MYO1F: variants seen among roughly 807,000 people sequenced by gnomAD.
MYO1F encodes the protein myosin IF.
MYO1F carries 60 observed loss-of-function variants against 146.6 expected under a neutral mutation model. That is an observed-to-expected ratio of 0.41 (90% CI 0.33 to 0.51). The LOEUF is 0.51. MYO1F is among the 20% of genes least tolerant of loss of function. MYO1F has a pLI of 0.25. For missense variants in MYO1F, 1,274 were observed against 1,534.3 expected, an observed-to-expected ratio of 0.83 and a Z score of 2.83; for synonymous variants, 602 against 602.1, an observed-to-expected ratio of 1.00 and a Z score of 0.00.
At chr19:8,576,933 C>A in intron 1 of MYO1F, 1 of 411,606 alleles carries the variant, frequency 2.4e-6, no homozygotes, top group Non-Finnish European at 4.5e-6. Flanking sequence ...AGTGACTAGC[C>A]CAAGGCTACA....
In MYO1F at chr19:8,555,639, C is replaced by G. The variant is rs762111655; in HGVS notation, c.141+20G>C. 3.7e-6 allele frequency: 6 copies of G among 1,614,042 alleles called. No individual in the cohort carries two copies. In the Admixed American group the frequency reaches 1.0e-4, roughly 27 times the overall value. ...TCATTCCTTCCCTGCCTGCCCACCCCCAGCCTTGGCCCAGGGTACGAAGAT... is the reference window on the plus strand; with the variant it reads ...TCATTCCTTCCCTGCCTGCCCACCCGCAGCCTTGGCCCAGGGTACGAAGAT... On this transcript the variant is annotated intron_variant, in intron 2 of 27. Transcript: ENST00000644032.
At chr19:8,562,228 C>T (rs1974172920) in intron 1 of MYO1F, among the ~76,000 whole-genome samples, 1 of 151,392 alleles carries the variant, frequency 6.6e-6, no homozygotes, top group African/African-American at 2.4e-5. Context: ...GTCTTGATCT[C>T]CTGACCTCGT....
chr19:8,575,442 G>T (rs1460499651), intron 1 of MYO1F, among the ~76,000 whole-genome samples: 2 of 151,900 alleles, frequency 1.3e-5, no homozygotes, highest in Non-Finnish European at 2.9e-5. Context: ...AACAGGGTTT[G>T]CGATCCTGTG....
At chr19:8,545,052 A>G (rs916644107) in intron 13 of MYO1F, among the ~76,000 whole-genome samples, 11 of 152,084 alleles carry the variant, frequency 7.2e-5, no homozygotes, top group Non-Finnish European at 1.6e-4. Flanking sequence ...TGCTGGGATT[A>G]CAGGCATGAG....
chr19:8,561,242 T>G (rs1354852088), intron 1 of MYO1F, among the ~76,000 whole-genome samples: 1 of 151,980 alleles, frequency 6.6e-6, no homozygotes, highest in Non-Finnish European at 1.5e-5. Context: ...GTTAACTGTC[T>G]GGGGAAAGGT....
chr19:8,553,709 C>T (rs1973709948), intron 4 of MYO1F, among the ~76,000 whole-genome samples: 1 of 151,860 alleles, frequency 6.6e-6, no homozygotes, highest in South Asian at 2.1e-4. Flanking sequence ...CCAGTCTCTA[C>T]TAAAATACAA....
At chr19:8,571,103 T>A (rs1393206980) in intron 1 of MYO1F, among the ~76,000 whole-genome samples, 1 of 152,214 alleles carries the variant, frequency 6.6e-6, no homozygotes, top group African/African-American at 2.4e-5. Flanking sequence ...GTCTGCTTTT[T>A]CTGGGCGTGA....
At chr19:8,536,657 GTGGGAGGTGCTGGAGGT>G in intron 17 of MYO1F, 60 bp from the exon 18 acceptor site, 1 of 755,560 alleles carries the variant, frequency 1.3e-6, no homozygotes, top group Admixed American at 2.5e-5. Flanking sequence ...CTGGGGGTGG[GTGGGAGGTGCTGGAGGT>G]GGGGGACCTG....
At chr19:8,565,538 G>GT (rs1157824607) in intron 1 of MYO1F, among the ~76,000 whole-genome samples, 1 of 151,636 alleles carries the variant, frequency 6.6e-6, no homozygotes, top group Non-Finnish European at 1.5e-5. Flanking sequence ...GCGAAACTCT[G>GT]TCTCGAAATA....
intron 1 of MYO1F, among the ~76,000 whole-genome samples, chr19:8,574,595 C>CTCTT (rs58145523): frequency 6.8e-4 from 72 of 105,882 alleles, no homozygotes; most frequent in East Asian, 9.8e-4. Flanking sequence ...CTCTCTCTCT[C>CTCTT]TCTTTCTTTC....
At chr19:8,534,340 C>T (rs958360634) in intron 19 of MYO1F, among the ~76,000 whole-genome samples, 1 of 152,014 alleles carries the variant, frequency 6.6e-6, no homozygotes, top group South Asian at 2.1e-4. Context: ...CAGAGTCTCA[C>T]TTTGTCCCCC....
At chr19:8,556,887 CAAAAAAA>C (rs534645939) in intron 1 of MYO1F, among the ~76,000 whole-genome samples, 1 of 69,136 alleles carries the variant, frequency 1.4e-5, no homozygotes, top group Non-Finnish European at 4.0e-5. Context: ...AACTCTGTCT[CAAAAAAA>C]AAAAAAAAAA....
intron 19 of MYO1F, among the ~76,000 whole-genome samples, chr19:8,532,610 G>A (rs1311429708): frequency 6.6e-6 from 1 of 152,074 alleles, no homozygotes; most frequent in East Asian, 1.9e-4. Context: ...ATATAGGCTG[G>A]GTGCGGTGGC....
At chr19:8,570,963 C>G (rs2042096674) in intron 1 of MYO1F, among the ~76,000 whole-genome samples, 1 of 152,162 alleles carries the variant, frequency 6.6e-6, no homozygotes, top group Non-Finnish European at 1.5e-5. Flanking sequence ...TCTGCAGATT[C>G]AACGAAGCAA....
chr19:8,541,798 G>A (rs1972985175), intron 15 of MYO1F, 108 bp downstream of exon 15: 4 of 1,016,190 alleles, frequency 3.9e-6, no homozygotes, highest in Non-Finnish European at 6.2e-6. Flanking sequence ...CACTCCCCTC[G>A]AGTTTGTGGC....
chr19:8,574,575 CTT>C (rs782252475), intron 1 of MYO1F, among the ~76,000 whole-genome samples: 2,090 of 92,292 alleles, frequency 0.023, 25 homozygotes, highest in African/African-American at 0.049. Context: ...TTCTTTCTTT[CTT>C]TCTCTCTCTC....
chr19:8,525,269 TCA>T, intron 25 of MYO1F: 2 of 526,626 alleles, frequency 3.8e-6, no homozygotes, highest in Non-Finnish European at 6.8e-6. Flanking sequence ...AGAGAAGATG[TCA>T]GTGGTTAGCT....
chr19:8,548,334 G>GCCC lies in MYO1F; in HGVS notation c.1102-18_1102-17insGGG, dbSNP rs199598850. 6 of 1,612,676 alleles carry GCCC rather than the reference G, an allele frequency of 3.7e-6. No individual in the cohort carries two copies. The East Asian group carries it at 1.3e-4, about 36-fold the overall frequency. On this transcript the variant is annotated splice_polypyrimidine_tract_variant and intron_variant, in intron 10 of 27. Transcript: ENST00000644032. Reference sequence around the variant, plus strand: ...GTTGATGGCCTGCGGTGTGGGTGGGGACAGGAAGTCAGTGGGCATCGGTCA... The same window carrying GCCC: ...GTTGATGGCCTGCGGTGTGGGTGGGGCCCACAGGAAGTCAGTGGGCATCGGTCA...
chr19:8,533,478 C>T (rs1972578212), intron 19 of MYO1F, among the ~76,000 whole-genome samples: 1 of 151,946 alleles, frequency 6.6e-6, no homozygotes, highest in Non-Finnish European at 1.5e-5. Flanking sequence ...CCTCAGCCTC[C>T]CGAGTAGCTG....
Sources: gnomAD v4.1 joint callset for allele counts (sites outside exome capture counted in the v4.1 genomes callset) on GRCh38, gnomAD v4.1.1 for gene constraint, MANE v1.5 for transcripts, NCBI Gene and HGNC (gene_info 2026-07-23, HGNC 2026-07-21) for gene names.